The following SARS1 variants were observed in gnomAD, a reference collection of about 807,000 sequenced individuals.
SARS1 encodes serine--tRNA ligase, cytoplasmic.
A neutral mutation model predicts 63.7 loss-of-function variants in SARS1; 25 were observed. The ratio of observed to expected loss-of-function variants is 0.39; its 90% CI spans 0.29 to 0.55. The LOEUF is 0.55. Among genes scored for constraint, SARS1 ranks in the 20% least tolerant of loss-of-function variants. The pLI is 0.62. For synonymous variants in SARS1, 231 were observed against 243.5 expected (o/e 0.95, Z 0.48); for missense variants, 417 against 649.7 (o/e 0.64, Z 3.89).
intron 1 of SARS1, among the ~76,000 whole-genome samples, chr1:109,222,054 G>A (rs1158896574): frequency 2.0e-5 from 2 of 99,822 alleles, no homozygotes; most frequent in Non-Finnish European, 3.8e-5. Flanking sequence ...TGTAGAGACA[G>A]GGTTTTGCCA....
chr1:109,219,729 G>A (rs1654885680), intron 1 of SARS1, among the ~76,000 whole-genome samples: 1 of 152,012 alleles, frequency 6.6e-6, no homozygotes, highest in African/African-American at 2.4e-5. Flanking sequence ...TAGCCAGGAT[G>A]GTCTTGATCT....
At chr1:109,236,750 T>C in intron 9 of SARS1, 1 of 1,547,752 alleles carries the variant, frequency 6.5e-7, no homozygotes, top group Non-Finnish European at 8.7e-7. Context: ...TCTAGCTCTC[T>C]TCTATAAGGT....
intron 2 of SARS1, among the ~76,000 whole-genome samples, chr1:109,227,270 G>A (rs1462224392): frequency 3.9e-5 from 6 of 152,126 alleles, no homozygotes; most frequent in Admixed American, 3.3e-4. Context: ...TGGGATTACA[G>A]GCATGAGCCA....
chr1:109,219,082 C>T (rs547630262), intron 1 of SARS1, among the ~76,000 whole-genome samples: 35 of 150,838 alleles, frequency 2.3e-4, no homozygotes, highest in African/African-American at 8.3e-4. Context: ...CTGGCTAACA[C>T]GGTGAAACCC....
At position 109,237,644 on chromosome 1, in the gene SARS1, C is replaced by T. The variant is rs767194169; in HGVS notation, c.1388-87C>T. ...AAGGGACCCCTCTGTTCAAAGGGAT[C>T]ATTGTCTTGTTGAATTCTCCCCAGA... is the stretch of plus-strand genomic sequence containing the variant. On this transcript the variant is annotated intron_variant, in intron 10 of 10. Transcript: ENST00000234677. The surrounding 1 kb of genome is among the most constrained non-coding windows in gnomAD (Gnocchi z 4.1). 1.2e-5 allele frequency: 17 copies of T among 1,444,962 alleles called. No individual in the cohort carries two copies. Among genetic ancestry groups the T allele is most frequent in the Non-Finnish European group, 1.4e-5 (15 of 1,048,194 alleles). The allele number at this position is 1,444,962 out of a possible 1,614,324, so 89.5% of individuals were successfully genotyped here.
chr1:109,234,677 G>A (rs1655274715), intron 6 of SARS1, among the ~76,000 whole-genome samples: 1 of 152,164 alleles, frequency 6.6e-6, no homozygotes, highest in Non-Finnish European at 1.5e-5. Flanking sequence ...TTAGATAAGT[G>A]GAAAATAGCT....
At chr1:109,221,381 A>G (rs1654926363) in intron 1 of SARS1, among the ~76,000 whole-genome samples, 2 of 152,168 alleles carry the variant, frequency 1.3e-5, no homozygotes, top group Admixed American at 6.5e-5. Flanking sequence ...ATGATGAAAT[A>G]TCGAATGCTT....
At chr1:109,219,243 G>A (rs1322114415) in intron 1 of SARS1, among the ~76,000 whole-genome samples, 2 of 86,430 alleles carry the variant, frequency 2.3e-5, no homozygotes, top group African/African-American at 7.9e-5. Flanking sequence ...TCCAGCCTGG[G>A]CGATAGAGCA....
chr1:109,224,673 T>G (rs1655026350), intron 2 of SARS1, among the ~76,000 whole-genome samples: 1 of 151,344 alleles, frequency 6.6e-6, no homozygotes, highest in Non-Finnish European at 1.5e-5. Context: ...CTGGCCTTCA[T>G]CCAAAAAAAA....
At chr1:109,231,097 T>C in intron 5 of SARS1, 76 bp downstream of exon 5, 2 of 618,126 alleles carry the variant, frequency 3.2e-6, no homozygotes, top group Non-Finnish European at 2.2e-6. Context: ...TTTTTTTTTT[T>C]TGTAGAGAAA....
chr1:109,230,080 T>G (rs1378727771), intron 4 of SARS1, among the ~76,000 whole-genome samples: 1 of 151,838 alleles, frequency 6.6e-6, no homozygotes, highest in Non-Finnish European at 1.5e-5. Flanking sequence ...GGCTGGGGTG[T>G]GCAGGAGGCT....
At chr1:109,217,779 C>T (rs1654826005) in intron 1 of SARS1, among the ~76,000 whole-genome samples, 1 of 151,888 alleles carries the variant, frequency 6.6e-6, no homozygotes, top group Non-Finnish European at 1.5e-5. Context: ...AGGCTGGTCT[C>T]GAATTCCTGG....
chr1:109,215,750 G>C (rs917169046), intron 1 of SARS1: 1 of 742,464 alleles, frequency 1.3e-6, no homozygotes, highest in African/African-American at 1.9e-5. Context: ...TTATCACCCA[G>C]ATTGGAGTGC....
chr1:109,215,869 TA>T, intron 1 of SARS1: 1 of 340,402 alleles, frequency 2.9e-6, no homozygotes, highest in Non-Finnish European at 4.2e-6. Flanking sequence ...CACACCCAGC[TA>T]ATTTTTTTTT....
intron 1 of SARS1, chr1:109,215,063 A>G: frequency 2.0e-6 from 2 of 985,496 alleles, no homozygotes; most frequent in Non-Finnish European, 2.4e-6. Flanking sequence ...GGCAGCCACT[A>G]TCCAAGAGTG....
Position 109,236,488 on chromosome 1 carries a change from G to A in SARS1, c.1197G>A (p.Thr399=), listed in dbSNP as rs1655313973. 1.9e-6 allele frequency: 3 copies of A among 1,606,482 alleles called. No homozygotes were observed. Among genetic ancestry groups the A allele is most frequent in the Non-Finnish European group, 2.6e-6 (3 of 1,173,648 alleles). Reference sequence around the variant, plus strand: ...AGTTGGTCTCCTGTTCTAATTGCACGGATTACCAGGCTCGCCGGCTTCGAA... The same window carrying A: ...AGTTGGTCTCCTGTTCTAATTGCACAGATTACCAGGCTCGCCGGCTTCGAA... The part of the protein sequence containing the change: ...FRELVSCSNC[T]DYQARRLRIR... Residue 399 remains threonine (T), a synonymous_variant, in exon 9 of 11, where the codon ACG becomes ACA. Transcript: ENST00000234677.
At chr1:109,215,727 A>C (rs1166481389) in intron 1 of SARS1, 3 of 876,658 alleles carry the variant, frequency 3.4e-6, no homozygotes, top group Non-Finnish European at 4.1e-6. Context: ...TGTTTTTGAG[A>C]CGGAGTCTCT....
intron 6 of SARS1, among the ~76,000 whole-genome samples, chr1:109,232,728 C>T: frequency 6.6e-6 from 1 of 152,168 alleles, no homozygotes; most frequent in East Asian, 1.9e-4. Context: ...GAATGTGTTC[C>T]TTTACTCGCT....
chr1:109,222,517 A>G (rs1172017563), intron 1 of SARS1, among the ~76,000 whole-genome samples: 1 of 152,144 alleles, frequency 6.6e-6, no homozygotes, highest in Admixed American at 6.5e-5. Flanking sequence ...TTTGCCCTCC[A>G]TCTCACCCCT....
Sources: allele counts gnomAD v4.1 joint callset (sites outside exome capture counted in the v4.1 genomes callset), GRCh38; gene constraint gnomAD v4.1.1; non-coding constraint Gnocchi (gnomAD v3.1); transcripts MANE v1.5; gene names NCBI Gene and HGNC (gene_info 2026-07-23, HGNC 2026-07-21).